Variants in ARL6IP5 observed in about 807,000 individuals in gnomAD.
ARL6IP5 encodes ARF like GTPase 6 interacting protein 5, also known as PRA1 family protein 3.
ARL6IP5 carries 6 observed loss-of-function variants against 13.0 expected under a neutral mutation model. The observed-to-expected ratio is 0.46, with a 90% CI of 0.25 to 0.91. ARL6IP5 has a LOEUF of 0.91. Ranked by LOEUF, ARL6IP5 falls within the 40% of genes least tolerant of loss-of-function variation. The pLI is 0.17. For synonymous variants in ARL6IP5, 91 were observed against 91.9 expected, an observed-to-expected ratio of 0.99 and a Z score of 0.06; for missense variants, 208 against 248.8, an observed-to-expected ratio of 0.84 and a Z score of 1.10.
chr3:69,091,597 C>G (rs2092267300), intron 1 of ARL6IP5, among the ~76,000 whole-genome samples: 1 of 151,448 alleles, frequency 6.6e-6, no homozygotes, highest in Non-Finnish European at 1.5e-5. Flanking sequence ...GCTGGCACAC[C>G]TTTGATACTA....
rs534195291 is a variant in ARL6IP5 at position 69,104,352 on chromosome 3, G to A, written c.395-112G>A. ...TTGCATCAATTCGAGAAGCAGACTG[G>A]ACTGTGGCTAACTAAGGCAGTTTAC... On this transcript the variant is annotated intron_variant, in intron 2 of 2. Coordinates refer to ENST00000273258, the MANE Select transcript of ARL6IP5 (RefSeq NM_006407.4). The A allele has an allele frequency of 1.3e-5, 14 of 1,078,440 alleles. No homozygotes were observed. The South Asian group carries it at 1.9e-4, about 15-fold the overall frequency. 66.8% of individuals were successfully genotyped at this position (1,078,440 alleles called of 1,614,324 possible). A position where few individuals can be genotyped will look rare whatever the true frequency, so the allele number is the denominator to read the frequency against.
At chr3:69,087,310 C>T (rs2092251560) in intron 1 of ARL6IP5, among the ~76,000 whole-genome samples, 1 of 152,006 alleles carries the variant, frequency 6.6e-6, no homozygotes, top group Non-Finnish European at 1.5e-5. Flanking sequence ...TGTGCCTGGC[C>T]AAAAAAGTCT....
chr3:69,103,213 A>T (rs7617729), intron 2 of ARL6IP5, among the ~76,000 whole-genome samples: 4,185 of 152,290 alleles, frequency 0.027, 80 homozygotes, highest in East Asian at 0.04. Flanking sequence ...TTTCAATGAT[A>T]CTGTTTAATC....
intron 1 of ARL6IP5, among the ~76,000 whole-genome samples, chr3:69,088,635 T>A (rs965919894): frequency 2.6e-5 from 4 of 152,178 alleles, no homozygotes; most frequent in African/African-American, 9.7e-5. Flanking sequence ...AAACTTCTGA[T>A]CAGAAGAGAT....
chr3:69,091,273 G>A (rs935214904), intron 1 of ARL6IP5, among the ~76,000 whole-genome samples: 1 of 152,118 alleles, frequency 6.6e-6, no homozygotes, highest in African/African-American at 2.4e-5. Flanking sequence ...GTGTATGTGT[G>A]TATATGTGTG....
chr3:69,098,857 A>G (rs2092295586), intron 1 of ARL6IP5, among the ~76,000 whole-genome samples: 1 of 152,156 alleles, frequency 6.6e-6, no homozygotes, highest in East Asian at 1.9e-4. Context: ...TACCACAGCT[A>G]TTGGTATTGT....
intron 1 of ARL6IP5, among the ~76,000 whole-genome samples, chr3:69,099,331 A>C (rs1247694955): frequency 6.6e-6 from 1 of 152,172 alleles, no homozygotes; most frequent in African/African-American, 2.4e-5. Context: ...AGATCGCGCC[A>C]TTGTACTCCA....
At chr3:69,094,157 AGGAGAT>A (rs1268071329) in intron 1 of ARL6IP5, among the ~76,000 whole-genome samples, 2 of 152,314 alleles carry the variant, frequency 1.3e-5, no homozygotes, top group Non-Finnish European at 2.9e-5. Context: ...GGGTGCAATC[AGGAGAT>A]GGTGTGACAA....
chr3:69,104,415 C>T, intron 2 of ARL6IP5, 49 bp from the exon 3 acceptor site: 1 of 1,553,834 alleles, frequency 6.4e-7, no homozygotes, highest in Non-Finnish European at 8.8e-7. Context: ...ATTGATATGG[C>T]AAAAGAGAAT....
chr3:69,089,670 A>G (rs2092259032), intron 1 of ARL6IP5: 3 of 355,706 alleles, frequency 8.4e-6, no homozygotes, highest in African/African-American at 4.4e-5. Flanking sequence ...ATTTTCTGCC[A>G]TTAGAACTCA....
intron 1 of ARL6IP5, among the ~76,000 whole-genome samples, chr3:69,086,731 T>TG (rs1485631026): frequency 6.6e-6 from 1 of 151,052 alleles, no homozygotes; most frequent in Non-Finnish European, 1.5e-5. Context: ...TCTTTTTTTT[T>TG]TTTTTTTTTG....
chr3:69,085,118 C>G lies in ARL6IP5; in HGVS notation c.71C>G (p.Pro24Arg), dbSNP rs899160016. The G allele has an allele frequency of 6.2e-7, 1 of 1,614,210 alleles. No homozygotes were observed. The highest frequency in any genetic ancestry group is 8.5e-7 in the Non-Finnish European group (1 of 1,180,044). The change falls in exon 1 of 3, where the codon CCG becomes CGG. Residue 24 changes from proline to arginine, a missense_variant. Transcript: ENST00000273258. Reference sequence around the variant, plus strand: ...CCGGGTTCCGATCGCTTTGCCCGGCCGGACTTCAGGGACATTTCCAAATGG... The same window carrying G: ...CCGGGTTCCGATCGCTTTGCCCGGCGGGACTTCAGGGACATTTCCAAATGG... Reference protein sequence around the residue: ...FFPGSDRFARPDFRDISKWNN... With the variant: ...FFPGSDRFARRDFRDISKWNN...
At chr3:69,088,201 C>T (rs2092253934) in intron 1 of ARL6IP5, among the ~76,000 whole-genome samples, 1 of 152,136 alleles carries the variant, frequency 6.6e-6, no homozygotes, top group Admixed American at 6.6e-5. Context: ...TAGGGAGCGT[C>T]CTTGATTCCA....
At position 69,085,010 on chromosome 3, in the gene ARL6IP5, C is replaced by A. The variant is rs756689357; in HGVS notation, c.-38C>A. On this transcript the variant is annotated 5_prime_UTR_variant, in exon 1 of 3. Coordinates refer to ENST00000273258, the MANE Select transcript of ARL6IP5 (RefSeq NM_006407.4). ...GCTGATCGGTTGCCGCCGCCGCCGCCGCCAGATTCTGGAGGCGAAGAACGC... is the reference window on the plus strand; with the variant it reads ...GCTGATCGGTTGCCGCCGCCGCCGCAGCCAGATTCTGGAGGCGAAGAACGC... 1 of 1,600,480 alleles carries A rather than the reference C, an allele frequency of 6.2e-7. No homozygotes were observed. Among genetic ancestry groups the A allele is most frequent in the South Asian group, 1.1e-5 (1 of 89,404 alleles).
chr3:69,103,558 C>T (rs374839877), intron 2 of ARL6IP5, among the ~76,000 whole-genome samples: 2 of 152,280 alleles, frequency 1.3e-5, no homozygotes, highest in Admixed American at 6.5e-5. Context: ...CTATTTCTAA[C>T]GGGTGGTCTA....
At chr3:69,088,834 G>A (rs1048428894) in intron 1 of ARL6IP5, among the ~76,000 whole-genome samples, 4 of 152,212 alleles carry the variant, frequency 2.6e-5, no homozygotes, top group Non-Finnish European at 4.4e-5. Flanking sequence ...CACAACAATA[G>A]AAGTCTCTAC....
intron 1 of ARL6IP5, among the ~76,000 whole-genome samples, chr3:69,098,793 T>G (rs2092295424): frequency 6.6e-6 from 1 of 152,184 alleles, no homozygotes; most frequent in African/African-American, 2.4e-5. Flanking sequence ...ATATATAATG[T>G]CTTCCCATAT....
At chr3:69,093,790 AAAAATT>A (rs1338327066) in intron 1 of ARL6IP5, among the ~76,000 whole-genome samples, 2 of 151,944 alleles carry the variant, frequency 1.3e-5, no homozygotes, top group African/African-American at 4.8e-5. Context: ...AAGAAAAGAA[AAAAATT>A]AAAAATTAGC....
intron 1 of ARL6IP5, among the ~76,000 whole-genome samples, chr3:69,086,722 CT>C (rs1207661746): frequency 0.037 from 4,835 of 132,402 alleles, 121 homozygotes; most frequent in East Asian, 0.16. Flanking sequence ...TAAAAAATTT[CT>C]TTTTTTTTTT....
Sources: gnomAD v4.1 joint callset for allele counts (sites outside exome capture counted in the v4.1 genomes callset) on GRCh38, gnomAD v4.1.1 for gene constraint, MANE v1.5 for transcripts, NCBI Gene and HGNC (gene_info 2026-07-23, HGNC 2026-07-21) for gene names.